Variants in KIF27 observed in about 807,000 individuals in gnomAD.
KIF27 encodes kinesin-like protein KIF27.
Under a neutral mutation model 141.8 loss-of-function variants are expected in KIF27, and 84 were observed. The ratio of observed to expected loss-of-function variants is 0.59; its 90% confidence interval spans 0.50 to 0.71. The LOEUF (loss-of-function observed/expected upper bound fraction) is 0.71, where lower values mean the gene tolerates loss of function less well. Ranked by LOEUF, KIF27 falls within the 30% of genes least tolerant of loss-of-function variation. The pLI is 0.00. For synonymous variants in KIF27, 471 were observed against 569.5 expected (o/e 0.83, Z 2.46); for missense variants, 1,306 against 1,628.4 (o/e 0.80, Z 3.41).
chr9:83,842,645 T>G (rs1257903905), intron 16 of KIF27, among the ~76,000 whole-genome samples: 1 of 152,062 alleles, frequency 6.6e-6, no homozygotes, highest in East Asian at 1.9e-4. Flanking sequence ...TTTTTGTATT[T>G]TTAGTAGAGA....
At chr9:83,858,032 A>G (rs1177736336) in intron 14 of KIF27, among the ~76,000 whole-genome samples, 1 of 149,228 alleles carries the variant, frequency 6.7e-6, no homozygotes, top group Non-Finnish European at 1.5e-5. Context: ...CGGCAGGCAG[A>G]ATTCCTTAAA....
At chr9:83,842,583 C>T (rs568353520) in intron 16 of KIF27, among the ~76,000 whole-genome samples, 182 bp from the exon 17 acceptor site, 10 of 152,002 alleles carry the variant, frequency 6.6e-5, no homozygotes, top group South Asian at 2.1e-4. Flanking sequence ...CTCCTGCCTC[C>T]GCCTCCCAAG....
intron 16 of KIF27, among the ~76,000 whole-genome samples, chr9:83,847,218 G>A (rs909938991): frequency 2.6e-5 from 4 of 152,144 alleles, no homozygotes; most frequent in African/African-American, 4.8e-5. Flanking sequence ...TACCAGCTAC[G>A]ACCATGTGAC....
At position 83,885,391 on chromosome 9, in the gene KIF27, C is replaced by T. The variant is rs192830730; in HGVS notation, c.2240-1373G>A. ...TACAGGCGTGAGCCACCGTGCCCAGCCTATTATACTATTTATATAGCTGGT... is the reference window on the plus strand; with the variant it reads ...TACAGGCGTGAGCCACCGTGCCCAGTCTATTATACTATTTATATAGCTGGT... On this transcript the variant is annotated intron_variant, in intron 9 of 17. Transcript: ENST00000297814. Among the ~76,000 whole-genome samples the T allele has an allele frequency of 6.0e-3, 908 of 152,106 alleles. 2 individuals carry two copies. The highest frequency in any genetic ancestry group is 8.8e-3 in the Non-Finnish European group (601 of 67,974).
chr9:83,906,052 C>T (rs1007886031), intron 3 of KIF27, among the ~76,000 whole-genome samples: 1 of 152,082 alleles, frequency 6.6e-6, no homozygotes, highest in East Asian at 1.9e-4. Flanking sequence ...ATACTTCTAT[C>T]CTGCTTGATA....
At chr9:83,911,382 C>G (rs1321693118) in intron 2 of KIF27, among the ~76,000 whole-genome samples, 1 of 152,124 alleles carries the variant, frequency 6.6e-6, no homozygotes, top group African/African-American at 2.4e-5. Context: ...AGGCGCCCAC[C>G]ACCACACATG....
chr9:83,920,425 A>T (rs1157611566), intron 1 of KIF27, among the ~76,000 whole-genome samples: 1 of 152,222 alleles, frequency 6.6e-6, no homozygotes, highest in East Asian at 1.9e-4. Flanking sequence ...AAGTATACTC[A>T]ACGGGTTTTT....
rs1950035522 is a variant in KIF27 at position 83,862,655 on chromosome 9, C to T, written c.2935-3284G>A. Among the ~76,000 whole-genome samples the T allele has an allele frequency of 2.6e-5, 4 of 151,652 alleles. 1 individual carries two copies. The highest frequency in any genetic ancestry group is 6.8e-3 in the Middle Eastern group (2 of 294). ...TTGGCTTAGGATTGTCTTGGCAATG[C>T]GGGCTCTTTTTTGGTTCCATATGAA... is the stretch of plus-strand genomic sequence containing the variant. On this transcript the variant is annotated intron_variant, in intron 13 of 17. Coordinates refer to ENST00000297814, the MANE Select transcript of KIF27 (RefSeq NM_017576.4).
intron 13 of KIF27, among the ~76,000 whole-genome samples, chr9:83,861,760 T>C (rs1396720548): frequency 6.6e-6 from 1 of 151,720 alleles, no homozygotes; most frequent in East Asian, 1.9e-4. Flanking sequence ...CCACACTGTC[T>C]TCCACAATGG....
chr9:83,863,723 A>G (rs535302072), intron 13 of KIF27: 1 of 152,146 alleles, frequency 6.6e-6, no homozygotes, highest in East Asian at 1.9e-4. Context: ...CTCTTTTTCT[A>G]TTGATTGGAA....
chr9:83,871,087 T>A (rs189327630), intron 11 of KIF27, among the ~76,000 whole-genome samples: 15,457 of 151,956 alleles, frequency 0.1, 960 homozygotes, highest in Non-Finnish European at 0.14. Flanking sequence ...ATTTTTTTTT[T>A]TAATTTTTTG....
In KIF27 at chr9:83,867,774, G is replaced by A; in HGVS notation, c.2844C>T (p.Asp948=). Residue 948 remains aspartate (D), a synonymous_variant, in exon 13 of 18, where the codon GAC becomes GAT. Transcript: ENST00000297814. ...AAACTATGGCCTCCCGTTTCTTTAA[G>A]TCTGCTTCCAGCTCCTCTAATTCTT... ...QRQELEELEA[D]LKKREAIVSK... 1.2e-6 allele frequency: 2 copies of A among 1,613,408 alleles called. No individual in the cohort carries two copies. Among genetic ancestry groups the A allele is most frequent in the South Asian group, 2.2e-5 (2 of 90,996 alleles).
At chr9:83,879,565 C>T (rs895258167) in intron 11 of KIF27, among the ~76,000 whole-genome samples, 32 of 152,032 alleles carry the variant, frequency 2.1e-4, no homozygotes, top group African/African-American at 7.5e-4. Context: ...AACATTTCAA[C>T]GGAACAGAGC....
At chr9:83,884,919 A>T (rs1409361598) in intron 9 of KIF27, among the ~76,000 whole-genome samples, 1 of 152,220 alleles carries the variant, frequency 6.6e-6, no homozygotes, top group Admixed American at 6.5e-5. Flanking sequence ...AAGAGAAAAA[A>T]TAGAATAAAG....
intron 13 of KIF27, among the ~76,000 whole-genome samples, chr9:83,863,073 G>C (rs1435549459): frequency 6.6e-6 from 1 of 152,140 alleles, no homozygotes; most frequent in African/African-American, 2.4e-5. Flanking sequence ...AGGAGATTTT[G>C]GGCTGAGACG....
Position 83,914,479 on chromosome 9 carries a change from A to T in KIF27, c.298+815T>A, listed in dbSNP as rs974736133. On this transcript the variant is annotated intron_variant, in intron 2 of 17. Coordinates refer to ENST00000297814, the MANE Select transcript of KIF27 (RefSeq NM_017576.4). Reference sequence around the variant, plus strand: ...ATTTAATGAGAGAAGTTTCTTTTTTAAAATTTTTTATTTTTTTATTGTTTC... The same window carrying T: ...ATTTAATGAGAGAAGTTTCTTTTTTTAAATTTTTTATTTTTTTATTGTTTC... Among the ~76,000 whole-genome samples the T allele has an allele frequency of 5.3e-5, 8 of 152,240 alleles. No homozygotes were observed. In the South Asian group the frequency reaches 8.3e-4, roughly 16 times the overall value.
rs1460199778 is a variant in KIF27 at position 83,848,210 on chromosome 9, T to G, written c.3556+1889A>C. Among the ~76,000 whole-genome samples the G allele has an allele frequency of 3.3e-4, 17 of 50,848 alleles. 1 individual carries two copies. Among genetic ancestry groups the G allele is most frequent in the Non-Finnish European group, 1.1e-4 (3 of 26,864 alleles). 33.4% of individuals were successfully genotyped at this position (50,848 alleles called of 152,430 possible). ...GATATATATGATATATCAGATATGA[T>G]ATATATGATATATCAGATATGATAT... On this transcript the variant is annotated intron_variant, in intron 16 of 17. Coordinates refer to ENST00000297814, the MANE Select transcript of KIF27 (RefSeq NM_017576.4).
intron 16 of KIF27, among the ~76,000 whole-genome samples, chr9:83,846,374 C>T (rs1466991280): frequency 6.6e-6 from 1 of 152,180 alleles, no homozygotes; most frequent in Non-Finnish European, 1.5e-5. Context: ...TTCCACACAG[C>T]ATCACCTCTG....
chr9:83,857,136 T>C (rs1163922609), intron 14 of KIF27, among the ~76,000 whole-genome samples: 1 of 151,714 alleles, frequency 6.6e-6, no homozygotes, highest in Non-Finnish European at 1.5e-5. Flanking sequence ...GGTAATCTTC[T>C]ATTAGTGTAA....
Sources: gnomAD v4.1 joint callset for allele counts (sites outside exome capture counted in the v4.1 genomes callset) on GRCh38, gnomAD v4.1.1 for gene constraint, MANE v1.5 for transcripts, NCBI Gene and HGNC (gene_info 2026-07-23, HGNC 2026-07-21) for gene names.